The following PDE1C variants were observed in gnomAD, a reference collection of about 807,000 sequenced individuals.
The protein encoded by PDE1C is dual specificity calcium/calmodulin-dependent 3',5'-cyclic nucleotide phosphodiesterase 1C.
In PDE1C, 62 loss-of-function variants were observed where a neutral mutation model predicts 93.1. That is an observed-to-expected ratio of 0.67 (90% CI 0.54 to 0.82). The LOEUF (loss-of-function observed/expected upper bound fraction) is 0.82, where lower values mean the gene tolerates loss of function less well. PDE1C is among the 40% of genes least tolerant of loss of function. The pLI, the probability that PDE1C is intolerant of heterozygous loss-of-function variation, is 0.00. For missense variants in PDE1C, 742 were observed against 884.6 expected, an observed-to-expected ratio of 0.84 and a Z score of 2.04; for synonymous variants, 325 against 310.1, an observed-to-expected ratio of 1.05 and a Z score of -0.50.
At chr7:31,658,304 T>TA in the PDE1C span, 1 of 1,520,170 alleles carries the variant, frequency 6.6e-7, no homozygotes. Context: ...GATCCCTTTT[T>TA]TTTTTCTTCA....
chr7:31,921,205 C>T (rs991090590), intron 2 of PDE1C, among the ~76,000 whole-genome samples: 3 of 152,176 alleles, frequency 2.0e-5, no homozygotes, highest in Non-Finnish European at 4.4e-5. Flanking sequence ...CTAGATGTGA[C>T]TTAGTTTCCT....
chr7:31,692,036 A>G, the PDE1C span, among the ~76,000 whole-genome samples: 2 of 152,100 alleles, frequency 1.3e-5, no homozygotes, highest in Non-Finnish European at 2.9e-5. Flanking sequence ...GCAGAACTCA[A>G]CAGAAAAAAC....
chr7:31,666,890 A>T, the PDE1C span, among the ~76,000 whole-genome samples: 1 of 152,162 alleles, frequency 6.6e-6, no homozygotes, highest in African/African-American at 2.4e-5. Flanking sequence ...GTCATTTAAC[A>T]GTGTCTTTTA....
At chr7:31,954,224 T>A (rs1807814424) in intron 2 of PDE1C, among the ~76,000 whole-genome samples, 1 of 152,172 alleles carries the variant, frequency 6.6e-6, no homozygotes, top group African/African-American at 2.4e-5. Flanking sequence ...TGAGTGGAAG[T>A]GATGTGTGTC....
the PDE1C span, chr7:31,695,863 TGAG>T: frequency 6.3e-6 from 2 of 318,096 alleles, no homozygotes; most frequent in Non-Finnish European, 1.1e-5. Context: ...AACCATGGGG[TGAG>T]GAGGCAAGCT....
chr7:31,773,166 T>C (rs1042430443), intron 17 of PDE1C, among the ~76,000 whole-genome samples: 2 of 152,226 alleles, frequency 1.3e-5, no homozygotes, highest in East Asian at 3.9e-4. Context: ...GTCTGGTGTT[T>C]TGAGAACTAC....
intron 1 of PDE1C, among the ~76,000 whole-genome samples, chr7:32,053,699 A>G (rs1793680826): frequency 6.6e-6 from 1 of 152,116 alleles, no homozygotes; most frequent in African/African-American, 2.4e-5. Flanking sequence ...TGCCAAAGAA[A>G]TCTATAAAGG....
intron 2 of PDE1C, among the ~76,000 whole-genome samples, chr7:31,915,565 G>C (rs1801781940): frequency 6.6e-6 from 1 of 152,126 alleles, no homozygotes; most frequent in South Asian, 2.1e-4. Flanking sequence ...ACTGAATCCA[G>C]AGAATTTTTA....
At chr7:32,034,304 C>T (rs866050337) in intron 2 of PDE1C, among the ~76,000 whole-genome samples, 1 of 152,032 alleles carries the variant, frequency 6.6e-6, no homozygotes, top group Non-Finnish European at 1.5e-5. Flanking sequence ...GTTACCCTCT[C>T]CCCTACTCAC....
chr7:32,056,823 A>G lies in PDE1C; in HGVS notation c.102-5243T>C, dbSNP rs139478361. On this transcript the variant is annotated intron_variant, in intron 1 of 17. Coordinates refer to ENST00000396191, the MANE Select transcript of PDE1C (RefSeq NM_001191057.4). ...AAAGGTTGAAGATTGCTTTTCCAGAATGGAAAAATTGGATACTCCCAATTT... is the reference window on the plus strand; with the variant it reads ...AAAGGTTGAAGATTGCTTTTCCAGAGTGGAAAAATTGGATACTCCCAATTT... Among the ~76,000 whole-genome samples the G allele has an allele frequency of 2.6e-5, 4 of 152,350 alleles. No homozygotes were observed. In the East Asian group the frequency reaches 7.7e-4, roughly 29 times the overall value.
At chr7:31,970,182 G>C (rs932611565) in intron 2 of PDE1C, among the ~76,000 whole-genome samples, 3 of 152,122 alleles carry the variant, frequency 2.0e-5, no homozygotes, top group African/African-American at 4.8e-5. Context: ...AGTGTCTAGA[G>C]AATGGAAGTG....
rs74665768 is a variant in PDE1C, at chr7:32,100,737, T to G, written c.308+69048A>C. On this transcript the variant is annotated intron_variant, in intron 3 of 18. Transcript: ENST00000396193. ...ACACACATGTGCATACACACAGATA[T>G]GTACACACCTGTTTTCCTGCTCCTG... Among the ~76,000 whole-genome samples the G allele has an allele frequency of 8.4e-3, 1,273 of 152,278 alleles. 23 individuals carry two copies. The highest frequency in any genetic ancestry group is 0.028 in the African/African-American group (1,162 of 41,534).
intron 1 of PDE1C, among the ~76,000 whole-genome samples, chr7:32,409,410 A>G (rs1311728849): frequency 6.6e-6 from 1 of 152,212 alleles, no homozygotes; most frequent in Non-Finnish European, 1.5e-5. Flanking sequence ...TATTTTTATG[A>G]CAGTGTTATA....
At chr7:32,118,040 G>A (rs1400557555) in intron 3 of PDE1C, among the ~76,000 whole-genome samples, 1 of 152,206 alleles carries the variant, frequency 6.6e-6, no homozygotes, top group Non-Finnish European at 1.5e-5. Flanking sequence ...GATGCAACAA[G>A]AGGAAGACAG....
chr7:32,019,804 G>T (rs1788406345), intron 2 of PDE1C, among the ~76,000 whole-genome samples: 1 of 152,126 alleles, frequency 6.6e-6, no homozygotes, highest in Non-Finnish European at 1.5e-5. Flanking sequence ...GGATGATGGT[G>T]CCCTTCACTG....
chr7:31,678,285 A>C, the PDE1C span, among the ~76,000 whole-genome samples: 1 of 152,194 alleles, frequency 6.6e-6, no homozygotes, highest in Non-Finnish European at 1.5e-5. Flanking sequence ...CCTGAAAAAT[A>C]AGAACAATGA....
At chr7:32,147,304 G>GAAAGAAAGAAAGAAAGAAA (rs1554513860) in intron 3 of PDE1C, among the ~76,000 whole-genome samples, 2,778 of 142,376 alleles carry the variant, frequency 0.02, 71 homozygotes, top group African/African-American at 0.023. Flanking sequence ...AAGAAAGAAA[G>GAAAGAAAGAAAGAAAGAAA]AAAGAAAGAA....
chr7:32,314,428 C>A (rs1441201125), intron 1 of PDE1C, among the ~76,000 whole-genome samples: 1 of 152,130 alleles, frequency 6.6e-6, no homozygotes, highest in East Asian at 1.9e-4. Flanking sequence ...GGGGAACATG[C>A]AATTAAAACA....
chr7:31,737,094 G>C, the PDE1C span, among the ~76,000 whole-genome samples: 10 of 152,010 alleles, frequency 6.6e-5, no homozygotes, highest in Non-Finnish European at 1.2e-4. Flanking sequence ...GGGACTACAG[G>C]CATGCACCAC....
Sources: gnomAD v4.1 joint callset for allele counts (sites outside exome capture counted in the v4.1 genomes callset) on GRCh38, gnomAD v4.1.1 for gene constraint, MANE v1.5 for transcripts, NCBI Gene and HGNC (gene_info 2026-07-23, HGNC 2026-07-21) for gene names.